The following TNIP3 variants were observed in gnomAD, a reference collection of about 807,000 sequenced individuals.
The protein encoded by TNIP3 is TNFAIP3-interacting protein 3.
A neutral mutation model predicts 54.1 loss-of-function variants in TNIP3; 34 were observed. The observed-to-expected ratio is 0.63, with a 90% CI of 0.48 to 0.84. The LOEUF is 0.84. TNIP3 is among the 40% of genes least tolerant of loss of function. TNIP3 has a pLI of 0.00. For missense variants in TNIP3, 366 were observed against 387.6 expected (o/e 0.94, Z 0.47); for synonymous variants, 134 against 136.8 (o/e 0.98, Z 0.14).
intron 2 of TNIP3, among the ~76,000 whole-genome samples, chr4:121,199,573 T>C (rs1725772852): frequency 6.6e-6 from 1 of 152,194 alleles, no homozygotes; most frequent in Non-Finnish European, 1.5e-5. Context: ...CTGAGAGATC[T>C]GAGATTAAGC....
intron 2 of TNIP3, among the ~76,000 whole-genome samples, chr4:121,197,393 TGG>T (rs1362133756): frequency 6.6e-6 from 1 of 151,956 alleles, no homozygotes; most frequent in Non-Finnish European, 1.5e-5. Context: ...CTGGGCGTGG[TGG>T]CGGGTGCCTG....
intron 5 of TNIP3, among the ~76,000 whole-genome samples, chr4:121,151,437 C>G (rs1729750309): frequency 6.6e-6 from 1 of 151,904 alleles, no homozygotes; most frequent in African/African-American, 2.4e-5. Flanking sequence ...TACTGTCTAG[C>G]CTGATATGAA....
In TNIP3 at chr4:121,138,658, G is replaced by C; in HGVS notation, c.912C>G (p.Asp304Glu). Residue 304 changes from aspartate (D) to glutamate (E), a missense_variant, in exon 10 of 11, where the codon GAC becomes GAG. Physicochemically the swap from Asp to Glu is conservative, Grantham distance 45. Coordinates refer to ENST00000057513, the MANE Select transcript of TNIP3 (RefSeq NM_024873.6). Reference protein sequence around the residue: ...HPPDYQWYALDQLPPDVQHKA... With the variant: ...HPPDYQWYALEQLPPDVQHKA... ...TGTGTTGTACATCTGGCGGAAGCTG[G>C]TCAAGAGCATACCACTGATAGTCTG... 2 of 1,613,998 alleles carry C rather than the reference G, an allele frequency of 1.2e-6. No individual in the cohort carries two copies. Among genetic ancestry groups the C allele is most frequent in the Non-Finnish European group, 1.7e-6 (2 of 1,179,894 alleles).
At chr4:121,175,944 T>C (rs2148823993) in intron 3 of TNIP3, among the ~76,000 whole-genome samples, 1 of 152,340 alleles carries the variant, frequency 6.6e-6, no homozygotes, top group East Asian at 1.9e-4. Flanking sequence ...AAGCTGGGCA[T>C]ATGCAGTCAG....
intron 10 of TNIP3, chr4:121,136,715 TG>T (rs773022260): frequency 9.9e-5 from 15 of 152,082 alleles, no homozygotes; most frequent in Admixed American, 5.2e-4. Context: ...AAAAATTAGC[TG>T]GGCATGGTGG....
At chr4:121,136,045 A>G (rs1396356903) in intron 10 of TNIP3, among the ~76,000 whole-genome samples, 1 of 152,210 alleles carries the variant, frequency 6.6e-6, no homozygotes, top group African/African-American at 2.4e-5. Flanking sequence ...AGCCATAGTT[A>G]GTTGCAGAGC....
intron 5 of TNIP3, among the ~76,000 whole-genome samples, chr4:121,152,535 C>T (rs1013666107): frequency 6.6e-5 from 10 of 152,182 alleles, no homozygotes; most frequent in Admixed American, 1.3e-4. Context: ...GTCTACCAAA[C>T]ATATTATATA....
Position 121,224,571 on chromosome 4 carries a change from C to T in TNIP3, c.3+2814G>A, listed in dbSNP as rs1309398154. On this transcript the variant is annotated intron_variant, in intron 1 of 12. Transcript: ENST00000509841. ...GCTTTTAAACAAGTGACAGAACACT[C>T]TCTAATTAGAAATTCATCTTATTGT... Among the ~76,000 whole-genome samples the T allele has an allele frequency of 2.0e-5, 3 of 152,138 alleles. No homozygotes were observed. The East Asian group carries it at 5.8e-4, about 29-fold the overall frequency.
intron 4 of TNIP3, 88 bp downstream of exon 4, chr4:121,157,006 A>G (rs1730139551): frequency 6.4e-7 from 1 of 1,562,838 alleles, no homozygotes; most frequent in African/African-American, 1.4e-5. Context: ...GTTGATTTTA[A>G]TAAAACGGTA....
upstream of TNIP3, among the ~76,000 whole-genome samples, chr4:121,220,315 C>T (rs1157528355): frequency 6.6e-6 from 1 of 152,094 alleles, no homozygotes; most frequent in Non-Finnish European, 1.5e-5. Context: ...AACATCATTG[C>T]TAGGCTCTGT....
In TNIP3 at chr4:121,194,859, A is replaced by AAAC. The variant is rs35965824; in HGVS notation, c.69-12064_69-12063insGTT. Among the ~76,000 whole-genome samples the AAAC allele has an allele frequency of 9.9e-5, 15 of 151,618 alleles. 1 individual carries two copies. Among genetic ancestry groups the AAAC allele is most frequent in the African/African-American group, 3.6e-4 (15 of 41,260 alleles). On this transcript the variant is annotated intron_variant, in intron 2 of 12. Coordinates refer to the TNIP3 transcript ENST00000507879. Reference sequence around the variant, plus strand: ...TATCCATGAACAATAGAAAAAAAAAAGTACACACACACACAGACTTCTTCT... The same window carrying AAAC: ...TATCCATGAACAATAGAAAAAAAAAAAACGTACACACACACACAGACTTCTTCT...
At chr4:121,141,943 AC>A in intron 8 of TNIP3, 29 bp from the exon 9 acceptor site, 4 of 1,496,462 alleles carry the variant, frequency 2.7e-6, no homozygotes, top group Non-Finnish European at 3.6e-6. Context: ...TGGGGTCACT[AC>A]CAGTGGGAGA....
At chr4:121,195,212 T>A (rs1188534013) in intron 2 of TNIP3, among the ~76,000 whole-genome samples, 1 of 152,136 alleles carries the variant, frequency 6.6e-6, no homozygotes, top group East Asian at 1.9e-4. Flanking sequence ...AAATATTTTT[T>A]AAAAACGTCT....
At chr4:121,140,332 T>C (rs2148796256) in intron 9 of TNIP3, among the ~76,000 whole-genome samples, 1 of 151,020 alleles carries the variant, frequency 6.6e-6, no homozygotes, top group Non-Finnish European at 1.5e-5. Flanking sequence ...AGATGCCTTC[T>C]CAAAAAAAAA....
chr4:121,143,441 TA>T, intron 7 of TNIP3, among the ~76,000 whole-genome samples: 1 of 152,324 alleles, frequency 6.6e-6, no homozygotes, highest in East Asian at 1.9e-4. Context: ...CACATTCCCA[TA>T]AGGGATGGTC....
At chr4:121,183,680 C>T (rs1328948946) in intron 2 of TNIP3, among the ~76,000 whole-genome samples, 3 of 152,072 alleles carry the variant, frequency 2.0e-5, no homozygotes, top group Non-Finnish European at 2.9e-5. Flanking sequence ...CTCATAGGAG[C>T]GCAAATCCTA....
intron 3 of TNIP3, among the ~76,000 whole-genome samples, chr4:121,175,473 T>A (rs1304951914): frequency 6.6e-6 from 1 of 152,206 alleles, no homozygotes; most frequent in Non-Finnish European, 1.5e-5. Flanking sequence ...TGTTGTCGTC[T>A]GCTCCCTTGC....
At chr4:121,201,776 A>G (rs1230481222) in intron 2 of TNIP3, among the ~76,000 whole-genome samples, 2 of 152,248 alleles carry the variant, frequency 1.3e-5, no homozygotes, top group African/African-American at 2.4e-5. Context: ...AGAATCTGCT[A>G]TGTATCAGTA....
chr4:121,138,732 T>C (rs369351656), intron 9 of TNIP3, 48 bp from the exon 10 acceptor site: 3 of 1,510,324 alleles, frequency 2.0e-6, no homozygotes, highest in Middle Eastern at 1.7e-4. Flanking sequence ...ACTTCAAATA[T>C]AGTGGCATGT....
Sources: allele counts gnomAD v4.1 joint callset (sites outside exome capture counted in the v4.1 genomes callset), GRCh38; gene constraint gnomAD v4.1.1; transcripts MANE v1.5; gene names NCBI Gene and HGNC (gene_info 2026-07-23, HGNC 2026-07-21).